The following MYCBP2 variants were observed in gnomAD, a reference collection of about 807,000 sequenced individuals.
MYCBP2 encodes the protein MYC binding protein 2, also known as E3 ubiquitin-protein ligase MYCBP2.
A neutral mutation model predicts 525.3 loss-of-function variants in MYCBP2; 120 were observed. The observed-to-expected ratio is 0.23, with a 90% CI of 0.20 to 0.27. The LOEUF (loss-of-function observed/expected upper bound fraction) is 0.27. Ranked by LOEUF, MYCBP2 falls within the 10% of genes least tolerant of loss-of-function variation. The pLI is 1.00. For synonymous variants in MYCBP2, 1,894 were observed against 1,955.8 expected (o/e 0.97, Z 0.83); for missense variants, 4,149 against 5,657.1 (o/e 0.73, Z 8.55).
At chr13:77,285,006 G>A (rs2076589479) in intron 3 of MYCBP2, among the ~76,000 whole-genome samples, 1 of 152,184 alleles carries the variant, frequency 6.6e-6, no homozygotes, top group African/African-American at 2.4e-5. Context: ...AGAAAATTCA[G>A]TATTAATCAC....
At position 77,070,261 on chromosome 13, in the gene MYCBP2, G is replaced by T. The variant is rs534066413; in HGVS notation, c.11904+370C>A. 3.3e-5 allele frequency among the ~76,000 whole-genome samples: 5 copies of T among 152,230 alleles called. No individual in the cohort carries two copies. In the South Asian group the frequency reaches 1.0e-3, roughly 32 times the overall value. ...CACATTCTGCAGGACCTATAAAAGGGCGAGCATAAAAAAGCCTTCATAAAT... is the reference window on the plus strand; with the variant it reads ...CACATTCTGCAGGACCTATAAAAGGTCGAGCATAAAAAAGCCTTCATAAAT... On this transcript the variant is annotated intron_variant, in intron 69 of 82. Transcript: ENST00000544440.
chr13:77,268,173 G>A (rs1414531769), intron 7 of MYCBP2, among the ~76,000 whole-genome samples: 1 of 152,068 alleles, frequency 6.6e-6, no homozygotes, highest in Non-Finnish European at 1.5e-5. Context: ...TACTAAACAG[G>A]ACAGTACAGT....
intron 3 of MYCBP2, among the ~76,000 whole-genome samples, chr13:77,287,086 A>C (rs1259510268): frequency 6.7e-6 from 1 of 149,872 alleles, no homozygotes; most frequent in Non-Finnish European, 1.5e-5. Context: ...ACGGGGTTTC[A>C]CCGTGTTAGC....
chr13:77,107,016 T>A lies in MYCBP2; in HGVS notation c.8141-8003A>T, dbSNP rs369058514. Reference sequence around the variant, plus strand: ...TTCATGCTATACATACCTACGTTTATGTATTTATATATATTTCTTTAGATA... The same window carrying A: ...TTCATGCTATACATACCTACGTTTAAGTATTTATATATATTTCTTTAGATA... On this transcript the variant is annotated intron_variant, in intron 55 of 82. Transcript: ENST00000544440. 7.9e-5 allele frequency among the ~76,000 whole-genome samples: 12 copies of A among 152,276 alleles called. No individual in the cohort carries two copies. The East Asian group carries it at 1.4e-3, about 17-fold the overall frequency.
chr13:77,285,721 G>A (rs2076658920), intron 3 of MYCBP2, among the ~76,000 whole-genome samples: 1 of 151,990 alleles, frequency 6.6e-6, no homozygotes, highest in African/African-American at 2.4e-5. Flanking sequence ...AGGAGGCACA[G>A]GTTTCAGTAA....
intron 72 of MYCBP2, 36 bp from the exon 73 acceptor site, chr13:77,064,770 A>G (rs1265044247): frequency 1.3e-6 from 2 of 1,580,034 alleles, no homozygotes; most frequent in South Asian, 2.4e-5. Context: ...ATAAGTGACC[A>G]GAAATGTATT....
Position 77,058,558 on chromosome 13 carries a change from T to C in MYCBP2, c.13141-152A>G. The C allele has an allele frequency of 1.6e-6, 1 of 624,948 alleles. No homozygotes were observed. Among genetic ancestry groups the C allele is most frequent in the Non-Finnish European group, 2.5e-6 (1 of 407,878 alleles). The allele number at this position is 624,948 out of a possible 1,614,324, so 38.7% of individuals were successfully genotyped here. A position where few individuals can be genotyped will look rare whatever the true frequency, so the allele number is the denominator to read the frequency against. On this transcript the variant is annotated intron_variant, in intron 77 of 82. Coordinates refer to ENST00000544440, the MANE Select transcript of MYCBP2 (RefSeq NM_015057.5). This position sits in a 1 kb window ranked among gnomAD's most constrained non-coding sequence, Gnocchi z 4.1. ...ACAAAGTAAAGTTATTTCTAATCTTTGTTTGAATATAAATTAGGCTTCTTA... is the reference window on the plus strand; with the variant it reads ...ACAAAGTAAAGTTATTTCTAATCTTCGTTTGAATATAAATTAGGCTTCTTA...
At chr13:77,248,673 A>T (rs996273895) in intron 15 of MYCBP2, among the ~76,000 whole-genome samples, 5 of 152,096 alleles carry the variant, frequency 3.3e-5, no homozygotes, top group Admixed American at 3.3e-4. Context: ...TGGGAATGTA[A>T]AATGGTTGGC....
intron 1 of MYCBP2, among the ~76,000 whole-genome samples, chr13:77,323,707 C>A (rs775975834): frequency 3.9e-5 from 6 of 152,202 alleles, no homozygotes; most frequent in Admixed American, 1.3e-4. Flanking sequence ...TGCAATACTG[C>A]CTGGCACAGA....
At chr13:77,118,282 C>A (rs2050120345) in intron 55 of MYCBP2, 1 of 664,654 alleles carries the variant, frequency 1.5e-6, no homozygotes. Context: ...AACTGATAAG[C>A]AACTCAGAAC....
intron 46 of MYCBP2, among the ~76,000 whole-genome samples, chr13:77,155,710 TAC>T (rs778916661): frequency 3.9e-5 from 6 of 152,174 alleles, no homozygotes; most frequent in Non-Finnish European, 8.8e-5. Context: ...TTCAAAACTA[TAC>T]ACAAAATTTA....
At chr13:77,135,633 C>T (rs2053628623) in intron 52 of MYCBP2, among the ~76,000 whole-genome samples, 1 of 152,114 alleles carries the variant, frequency 6.6e-6, no homozygotes, top group Non-Finnish European at 1.5e-5. Flanking sequence ...AGCCCTATGC[C>T]AATTAATTTT....
intron 1 of MYCBP2, among the ~76,000 whole-genome samples, chr13:77,320,727 C>G (rs1177657064): frequency 6.6e-6 from 1 of 152,060 alleles, no homozygotes. Flanking sequence ...CTCACAACCT[C>G]TGGATGGGAT....
intron 55 of MYCBP2, among the ~76,000 whole-genome samples, chr13:77,102,951 A>C (rs1274412582): frequency 6.6e-6 from 1 of 152,028 alleles, no homozygotes; most frequent in Non-Finnish European, 1.5e-5. Flanking sequence ...TAATGATCTC[A>C]TAAAGTTTTA....
intron 26 of MYCBP2, among the ~76,000 whole-genome samples, chr13:77,204,900 G>C (rs2063129836): frequency 8.6e-6 from 1 of 115,846 alleles, no homozygotes; most frequent in Admixed American, 1.0e-4. Flanking sequence ...GACTGTTGTG[G>C]GGTGGGGGGA....
At chr13:77,227,559 G>A (rs116079114) in intron 18 of MYCBP2, among the ~76,000 whole-genome samples, 1,522 of 151,102 alleles carry the variant, frequency 0.01, 27 homozygotes, top group African/African-American at 0.034. Context: ...GACGCCAGAT[G>A]TAAAGAAATT....
At chr13:77,275,389 C>T (rs1235677087) in intron 4 of MYCBP2, among the ~76,000 whole-genome samples, 1 of 152,208 alleles carries the variant, frequency 6.6e-6, no homozygotes, top group African/African-American at 2.4e-5. Flanking sequence ...CCATATTGCT[C>T]TTCTTTTCAT....
intron 14 of MYCBP2, among the ~76,000 whole-genome samples, chr13:77,257,307 G>A (rs1025082276): frequency 1.3e-5 from 2 of 151,976 alleles, no homozygotes; most frequent in Non-Finnish European, 2.9e-5. Flanking sequence ...AGATACAAGA[G>A]ATCTACTATT....
intron 70 of MYCBP2, 85 bp downstream of exon 70, chr13:77,068,480 C>T (rs1027679934): frequency 1.4e-6 from 2 of 1,474,248 alleles, no homozygotes; most frequent in Non-Finnish European, 9.2e-7. Context: ...TACTTAGGGT[C>T]CTTAGATAAT....
Sources: allele counts gnomAD v4.1 joint callset (sites outside exome capture counted in the v4.1 genomes callset), GRCh38; gene constraint gnomAD v4.1.1; non-coding constraint Gnocchi (gnomAD v3.1); transcripts MANE v1.5; gene names NCBI Gene and HGNC (gene_info 2026-07-23, HGNC 2026-07-21).